The following CSMD1 variants were observed in gnomAD, a reference collection of about 807,000 sequenced individuals.
CSMD1 encodes the protein CUB and Sushi multiple domains 1, also known as CUB and sushi domain-containing protein 1.
A neutral mutation model predicts 417.5 loss-of-function variants in CSMD1; 213 were observed. The observed-to-expected ratio is 0.51, with a 90% CI of 0.46 to 0.57. The LOEUF is 0.57. CSMD1 is among the 20% of genes least tolerant of loss of function. The probability of loss-of-function intolerance (pLI) is 0.00; values close to 1 mark genes in which losing one functional copy is unlikely to be tolerated. For missense variants in CSMD1, 6,923 were observed against 4,529.7 expected (o/e 1.53, Z -15.17); for synonymous variants, 2,862 against 1,736.8 (o/e 1.65, Z -16.11).
At chr8:3,895,977 C>T (rs1807332205) in intron 5 of CSMD1, among the ~76,000 whole-genome samples, 1 of 152,164 alleles carries the variant, frequency 6.6e-6, no homozygotes, top group African/African-American at 2.4e-5. Flanking sequence ...CTGTTAACCT[C>T]CCCTATTACT....
intron 1 of CSMD1, among the ~76,000 whole-genome samples, chr8:4,742,651 G>C (rs1459469629): frequency 6.6e-6 from 1 of 152,048 alleles, no homozygotes; most frequent in Non-Finnish European, 1.5e-5. Context: ...TCCAAAAGCA[G>C]GTAGTGTTAA....
chr8:4,919,848 T>A (rs1344959752), intron 1 of CSMD1, among the ~76,000 whole-genome samples: 1 of 152,080 alleles, frequency 6.6e-6, no homozygotes. Context: ...CCTTTCACCT[T>A]CTTTCATGTG....
intron 3 of CSMD1, among the ~76,000 whole-genome samples, chr8:4,126,400 A>G (rs182345662): frequency 1.3e-5 from 2 of 152,244 alleles, no homozygotes; most frequent in South Asian, 2.1e-4. Context: ...AATGGTGCCA[A>G]ACACCCATCA....
chr8:4,829,852 G>A (rs1287948469), intron 1 of CSMD1, among the ~76,000 whole-genome samples: 1 of 152,152 alleles, frequency 6.6e-6, no homozygotes, highest in Non-Finnish European at 1.5e-5. Flanking sequence ...TGGGGACAAG[G>A]GGCTGGTCAG....
intron 5 of CSMD1, among the ~76,000 whole-genome samples, chr8:3,822,210 G>C (rs1049765925): frequency 2.0e-5 from 3 of 152,088 alleles, no homozygotes; most frequent in Non-Finnish European, 2.9e-5. Flanking sequence ...TCCTTGACTA[G>C]ACACTCTGCC....
At chr8:3,025,013 AC>A (rs1348735612) in intron 51 of CSMD1, among the ~76,000 whole-genome samples, 4 of 150,526 alleles carry the variant, frequency 2.7e-5, no homozygotes, top group Non-Finnish European at 6.0e-5. Context: ...TTATTCTGAA[AC>A]CGTGTATTGT....
chr8:4,437,344 C>T (rs1798205891), intron 2 of CSMD1, among the ~76,000 whole-genome samples: 2 of 152,032 alleles, frequency 1.3e-5, no homozygotes, highest in African/African-American at 4.8e-5. Context: ...AAAGAAAATA[C>T]ATTTTAAGGT....
At chr8:3,343,683 T>C (rs1456177201) in intron 22 of CSMD1, among the ~76,000 whole-genome samples, 1 of 152,246 alleles carries the variant, frequency 6.6e-6, no homozygotes, top group Non-Finnish European at 1.5e-5. Flanking sequence ...CAGATCATTT[T>C]ATATTCATTA....
chr8:3,229,655 G>A (rs533172717), intron 27 of CSMD1, among the ~76,000 whole-genome samples: 1 of 152,090 alleles, frequency 6.6e-6, no homozygotes, highest in African/African-American at 2.4e-5. Flanking sequence ...AAAAGAGAAA[G>A]TACTTTTAGT....
At chr8:4,207,417 G>C (rs1011672907) in intron 3 of CSMD1, among the ~76,000 whole-genome samples, 14 of 152,132 alleles carry the variant, frequency 9.2e-5, no homozygotes, top group Non-Finnish European at 1.5e-4. Context: ...ATCATATTTT[G>C]TCTTCAACCA....
chr8:3,425,813 C>G (rs1038167695), intron 12 of CSMD1, among the ~76,000 whole-genome samples: 1 of 151,924 alleles, frequency 6.6e-6, no homozygotes, highest in African/African-American at 2.4e-5. Context: ...CCTTGATTCA[C>G]GTATATTGAC....
At chr8:4,703,947 A>G (rs76260805) in intron 1 of CSMD1, among the ~76,000 whole-genome samples, 6,094 of 152,192 alleles carry the variant, frequency 0.04, 136 homozygotes, top group East Asian at 0.097. Flanking sequence ...AGTAGCACAC[A>G]ACCTAGATCC....
intron 2 of CSMD1, among the ~76,000 whole-genome samples, chr8:4,460,925 G>C (rs894744195): frequency 2.0e-5 from 3 of 151,970 alleles, no homozygotes; most frequent in Non-Finnish European, 4.4e-5. Context: ...ATTTTATAAG[G>C]TCAATACCCC....
chr8:3,527,356 G>A (rs138481887), intron 10 of CSMD1, among the ~76,000 whole-genome samples: 1 of 152,020 alleles, frequency 6.6e-6, no homozygotes, highest in African/African-American at 2.4e-5. Context: ...CATTCTAAAA[G>A]GTTACATAGT....
intron 10 of CSMD1, among the ~76,000 whole-genome samples, chr8:3,566,934 C>G (rs1230252529): frequency 1.3e-5 from 2 of 152,130 alleles, no homozygotes; most frequent in East Asian, 3.9e-4. Flanking sequence ...GGTACATACC[C>G]AAAAGAATAT....
chr8:4,360,657 AT>A (rs571660773), intron 3 of CSMD1, among the ~76,000 whole-genome samples: 4 of 149,770 alleles, frequency 2.7e-5, no homozygotes, highest in African/African-American at 7.3e-5. Flanking sequence ...CACCTGGCTA[AT>A]TTTTTTTTTG....
intron 2 of CSMD1, among the ~76,000 whole-genome samples, chr8:4,608,683 G>C (rs894512081): frequency 2.6e-5 from 4 of 152,154 alleles, no homozygotes; most frequent in African/African-American, 9.7e-5. Context: ...AGTCCTCTTT[G>C]TGGGATTATG....
chr8:3,737,747 G>A (rs549945376), intron 6 of CSMD1, among the ~76,000 whole-genome samples: 1 of 152,232 alleles, frequency 6.6e-6, no homozygotes, highest in South Asian at 2.1e-4. Context: ...AAGATTCTCT[G>A]ACCACATTCA....
chr8:4,300,776 C>G (rs557098291), intron 3 of CSMD1, among the ~76,000 whole-genome samples: 1 of 152,132 alleles, frequency 6.6e-6, no homozygotes, highest in African/African-American at 2.4e-5. Context: ...TGGGTGAGAA[C>G]ATGCAGTGTT....
Sources: gnomAD v4.1 joint callset for allele counts (sites outside exome capture counted in the v4.1 genomes callset) on GRCh38, gnomAD v4.1.1 for gene constraint, MANE v1.5 for transcripts, NCBI Gene and HGNC (gene_info 2026-07-23, HGNC 2026-07-21) for gene names.